NRG2: variants seen among roughly 807,000 people sequenced by gnomAD.
NRG2 encodes pro-neuregulin-2, membrane-bound isoform.
In NRG2, 27 loss-of-function variants were observed where a neutral mutation model predicts 73.9. That is an observed-to-expected ratio of 0.37 (90% CI 0.27 to 0.50). NRG2 has a LOEUF of 0.50. Among genes scored for constraint, NRG2 ranks in the 20% least tolerant of loss-of-function variants. NRG2 has a pLI of 0.96. For synonymous variants in NRG2, 532 were observed against 541.0 expected (o/e 0.98, Z 0.23); for missense variants, 1,126 against 1,210.1 (o/e 0.93, Z 1.03).
At chr5:139,897,362 A>T (rs1036426736) in intron 1 of NRG2, among the ~76,000 whole-genome samples, 2 of 152,220 alleles carry the variant, frequency 1.3e-5, no homozygotes, top group African/African-American at 4.8e-5. Context: ...AAACAGAGAT[A>T]GCTTAATAAC....
rs552942921 is a variant in NRG2, at chr5:139,976,190, G to T, written c.700+66180C>A. Reference sequence around the variant, plus strand: ...ACTCTGGGACACTCTCGACAATCCTGCTTTGGAATTCCTGACAAGTCAGGG... The same window carrying T: ...ACTCTGGGACACTCTCGACAATCCTTCTTTGGAATTCCTGACAAGTCAGGG... On this transcript the variant is annotated intron_variant, in intron 1 of 9. Transcript: ENST00000361474. Among the ~76,000 whole-genome samples, 14 of 152,296 alleles carry T rather than the reference G, an allele frequency of 9.2e-5. No individual in the cohort carries two copies. The South Asian group carries it at 2.9e-3, about 32-fold the overall frequency.
intron 1 of NRG2, among the ~76,000 whole-genome samples, chr5:140,014,668 C>T (rs1403721966): frequency 6.6e-6 from 1 of 152,202 alleles, no homozygotes; most frequent in Non-Finnish European, 1.5e-5. Context: ...AACTACAATA[C>T]ACCAAGCCAC....
At chr5:139,874,188 G>A (rs1343845075) in intron 3 of NRG2, among the ~76,000 whole-genome samples, 2 of 152,220 alleles carry the variant, frequency 1.3e-5, no homozygotes, top group South Asian at 2.1e-4. Flanking sequence ...GTTCTAGCAC[G>A]CGTGGGCTCC....
At position 140,008,194 on chromosome 5, in the gene NRG2, T is replaced by C. The variant is rs541156349; in HGVS notation, c.700+34176A>G. 2.6e-5 allele frequency among the ~76,000 whole-genome samples: 4 copies of C among 152,338 alleles called. No individual in the cohort carries two copies. The East Asian group carries it at 5.8e-4, about 22-fold the overall frequency. On this transcript the variant is annotated intron_variant, in intron 1 of 9. Coordinates refer to ENST00000361474, the MANE Select transcript of NRG2 (RefSeq NM_004883.3). The surrounding 1 kb of genome is among the most constrained non-coding windows in gnomAD (Gnocchi z 4.2). Reference sequence around the variant, plus strand: ...GTGCAGAGTCTATGCAGAAGATGCATGGGGAAATCAAAGATCTATTCCACA... The same window carrying C: ...GTGCAGAGTCTATGCAGAAGATGCACGGGGAAATCAAAGATCTATTCCACA...
chr5:139,851,727 G>A lies in NRG2; in HGVS notation c.1649C>T (p.Pro550Leu). ...SSVGTSKCNSPACVEARARRA... is the reference protein window; with the variant it reads ...SSVGTSKCNSLACVEARARRA... ...CCTTGCCCGGGCCTCCACACATGCTGGGCTGTTGCATTTGCTGGTACCCAC... is the reference window on the plus strand; with the variant it reads ...CCTTGCCCGGGCCTCCACACATGCTAGGCTGTTGCATTTGCTGGTACCCAC... Residue 550 changes from proline to leucine, a missense_variant, in exon 9 of 10, where the codon CCA (proline) becomes CTA (leucine). By Grantham distance (98) the Pro-to-Leu change is moderately conservative. Around this residue, in one of 3 missense-constraint regions of NRG2, gnomAD observed 539 missense variants for 703.2 expected, o/e 0.77. Transcript: ENST00000361474. The surrounding 1 kb of genome is among the most constrained non-coding windows in gnomAD (Gnocchi z 4.2). 1 of 1,614,234 alleles carries A rather than the reference G, an allele frequency of 6.2e-7. No individual in the cohort carries two copies. Among genetic ancestry groups the A allele is most frequent in the Non-Finnish European group, 8.5e-7 (1 of 1,180,042 alleles).
At chr5:139,975,042 C>T (rs1345128074) in intron 1 of NRG2, among the ~76,000 whole-genome samples, 8 of 152,168 alleles carry the variant, frequency 5.3e-5, no homozygotes, top group South Asian at 2.1e-4. Context: ...GATACACAAG[C>T]GCCTCATATG....
At chr5:139,899,693 C>T (rs1264656289) in intron 1 of NRG2, among the ~76,000 whole-genome samples, 1 of 152,236 alleles carries the variant, frequency 6.6e-6, no homozygotes, top group East Asian at 1.9e-4. Context: ...TCTTTGTATC[C>T]TCTCAACTCC....
chr5:139,864,196 C>T (rs553097536), intron 5 of NRG2, among the ~76,000 whole-genome samples: 1 of 152,086 alleles, frequency 6.6e-6, no homozygotes, highest in East Asian at 1.9e-4. Context: ...ACAGGCCTTG[C>T]AAGCCAGCGG....
intron 1 of NRG2, among the ~76,000 whole-genome samples, chr5:139,988,217 C>T (rs1757322406): frequency 6.6e-6 from 1 of 152,058 alleles, no homozygotes; most frequent in South Asian, 2.1e-4. Context: ...CAAAAGGGCA[C>T]AGCCACTTTG....
In NRG2 at chr5:140,042,577, C is replaced by G; in HGVS notation, c.493G>C (p.Asp165His). 1 of 1,612,630 alleles carries G rather than the reference C, an allele frequency of 6.2e-7. No homozygotes were observed. The highest frequency in any genetic ancestry group is 8.5e-7 in the Non-Finnish European group (1 of 1,179,646). Residue 165 changes from aspartate (D) to histidine (H), a missense_variant, in exon 1 of 10, where the codon GAC becomes CAC. Physicochemically the swap from Asp to His is moderately conservative, Grantham distance 81 (BLOSUM62 -1). Coordinates refer to ENST00000361474, the MANE Select transcript of NRG2 (RefSeq NM_004883.3). ...SGRVALVKVL[D>H]KWPLRSGGLQ... ...CCCCCGCTCCGGAGCGGCCACTTGTCCAGCACCTTTACCAACGCCACCCGA... is the reference window on the plus strand; with the variant it reads ...CCCCCGCTCCGGAGCGGCCACTTGTGCAGCACCTTTACCAACGCCACCCGA...
At chr5:140,002,328 T>C (rs1758553034) in intron 1 of NRG2, among the ~76,000 whole-genome samples, 1 of 152,158 alleles carries the variant, frequency 6.6e-6, no homozygotes, top group African/African-American at 2.4e-5. Context: ...TGATGTCAGA[T>C]AATGATAAGA....
intron 1 of NRG2, among the ~76,000 whole-genome samples, chr5:139,956,869 G>A (rs1293584459): frequency 3.3e-5 from 5 of 152,200 alleles, no homozygotes; most frequent in Non-Finnish European, 5.9e-5. Flanking sequence ...CCAGCTTCGT[G>A]GTACAGTGGG....
chr5:139,906,855 G>A (rs1765266371), intron 1 of NRG2, among the ~76,000 whole-genome samples: 1 of 152,238 alleles, frequency 6.6e-6, no homozygotes, highest in South Asian at 2.1e-4. Context: ...GGGATTTGAA[G>A]TATGAGTAGG....
chr5:140,034,926 A>G (rs997651507), intron 1 of NRG2, among the ~76,000 whole-genome samples: 1 of 152,204 alleles, frequency 6.6e-6, no homozygotes, highest in Non-Finnish European at 1.5e-5. Context: ...AAGACTGATT[A>G]AAATATCACC....
At position 139,971,479 on chromosome 5, in the gene NRG2, G is replaced by A. The variant is rs547257805; in HGVS notation, c.700+70891C>T. 2.0e-5 allele frequency among the ~76,000 whole-genome samples: 3 copies of A among 152,200 alleles called. No individual in the cohort carries two copies. The South Asian group carries it at 6.2e-4, about 32-fold the overall frequency. On this transcript the variant is annotated intron_variant, in intron 1 of 9. Coordinates refer to ENST00000361474, the MANE Select transcript of NRG2 (RefSeq NM_004883.3). ...CAAGGAATTGCGGGGAGGAGCTGTG[G>A]CCCAGACCCAGAAGGAAATTAAATG...
chr5:139,848,527 A>C lies in NRG2; in HGVS notation c.1943T>G (p.Leu648Arg). 2.1e-6 allele frequency: 3 copies of C among 1,436,892 alleles called. No individual in the cohort carries two copies. The highest frequency in any genetic ancestry group is 2.7e-6 in the Non-Finnish European group (3 of 1,105,390). The allele number at this position is 1,436,892 out of a possible 1,614,324, so 89.0% of individuals were successfully genotyped here. Residue 648 changes from leucine to arginine, a missense_variant, in exon 10 of 10, where the codon CTG becomes CGG. By Grantham distance (102) the Leu-to-Arg change is moderately radical. Coordinates refer to ENST00000361474, the MANE Select transcript of NRG2 (RefSeq NM_004883.3). ...SYRLAEQQPL[L>R]RHPAPPGPGP... ...CGGGCCGGGGGGCGCCGGGTGCCGC[A>C]GTAACGGCTGCTGCTCGGCCAGGCG...
chr5:139,852,994 C>T lies in NRG2; in HGVS notation c.1326G>A (p.Arg442=). 6.2e-7 allele frequency: 1 copy of T among 1,613,338 alleles called. No individual in the cohort carries two copies. The highest frequency in any genetic ancestry group is 8.5e-7 in the Non-Finnish European group (1 of 1,179,712). Residue 442 remains arginine, a synonymous_variant, in exon 7 of 10, where the codon CGG becomes CGA. Transcript: ENST00000361474. This position sits in a 1 kb window ranked among gnomAD's most constrained non-coding sequence, Gnocchi z 4.4. ...TCTGATGGGCCGGGCACATGTTCTG[C>T]CGGAGGTGGTTGTGCATCTGCTTCC... is the stretch of plus-strand genomic sequence containing the variant. ...KQRKQMHNHL[R]QNMCPAHQNR...
chr5:139,988,893 T>A (rs1757370789), intron 1 of NRG2, among the ~76,000 whole-genome samples: 1 of 152,000 alleles, frequency 6.6e-6, no homozygotes. Context: ...GCAGAGGCCA[T>A]ATGGGAAATC....
intron 1 of NRG2, among the ~76,000 whole-genome samples, chr5:139,899,442 T>C (rs918742748): frequency 6.6e-6 from 1 of 152,238 alleles, no homozygotes; most frequent in South Asian, 2.1e-4. Context: ...AGGGGCTCCA[T>C]AGGACCAGAT....
Sources: allele counts gnomAD v4.1 joint callset (sites outside exome capture counted in the v4.1 genomes callset), GRCh38; gene constraint gnomAD v4.1.1; regional missense constraint gnomAD v4.1.1; non-coding constraint Gnocchi (gnomAD v3.1); transcripts MANE v1.5; gene names NCBI Gene and HGNC (gene_info 2026-07-23, HGNC 2026-07-21).